The following GATB variants were observed in gnomAD, a reference collection of about 807,000 sequenced individuals.
The protein encoded by GATB is glutamyl-tRNA(Gln) amidotransferase subunit B, mitochondrial.
In GATB, 39 loss-of-function variants were observed where a neutral mutation model predicts 62.3. The ratio of observed to expected loss-of-function variants is 0.63; its 90% CI spans 0.48 to 0.82. The LOEUF is 0.82. GATB is among the 40% of genes least tolerant of loss of function. GATB has a pLI of 0.00. For missense variants in GATB, 670 were observed against 684.0 expected (o/e 0.98, Z 0.23); for synonymous variants, 276 against 258.9 (o/e 1.07, Z -0.63).
chr4:151,705,407 C>T (rs913563525), intron 6 of GATB, 138 bp from the exon 7 acceptor site: 2 of 622,928 alleles, frequency 3.2e-6, no homozygotes, highest in Non-Finnish European at 2.8e-6. Context: ...TAATCCTTCC[C>T]TTACACACTA....
chr4:151,747,095 T>C (rs370624899), intron 2 of GATB, among the ~76,000 whole-genome samples: 1 of 152,148 alleles, frequency 6.6e-6, no homozygotes, highest in Non-Finnish European at 1.5e-5. Context: ...TGAATACATA[T>C]AAAGCACCTA....
chr4:151,703,626 GA>G lies in GATB; in HGVS notation c.1007+224del, dbSNP rs1486123578. The G allele has an allele frequency of 6.8e-5, 39 of 569,892 alleles. No individual in the cohort carries two copies. In the African/African-American group the frequency reaches 7.0e-4, roughly 10 times the overall value. The allele number at this position is 569,892 out of a possible 1,614,324, so 35.3% of individuals were successfully genotyped here. On this transcript the variant is annotated intron_variant, in intron 8 of 12. Coordinates refer to ENST00000263985, the MANE Select transcript of GATB (RefSeq NM_004564.3). ...GGATGAACAAGTTCTTCCAAAAGCTGAATCAGTCAAACAAGGCACCAGATCT... is the reference window on the plus strand; with the variant it reads ...GGATGAACAAGTTCTTCCAAAAGCTGATCAGTCAAACAAGGCACCAGATCT...
intron 2 of GATB, among the ~76,000 whole-genome samples, chr4:151,753,356 G>A (rs879335505): frequency 5.3e-5 from 8 of 152,092 alleles, no homozygotes; most frequent in African/African-American, 1.4e-4. Context: ...CATCCTGAGC[G>A]TTTTTAAGGT....
At chr4:151,748,716 T>C (rs1014316001) in intron 2 of GATB, among the ~76,000 whole-genome samples, 6 of 151,948 alleles carry the variant, frequency 3.9e-5, no homozygotes, top group Non-Finnish European at 8.8e-5. Flanking sequence ...ACCATCGGAG[T>C]GAACAGGCAA....
chr4:151,684,547 C>T (rs1738205976), intron 10 of GATB, among the ~76,000 whole-genome samples: 1 of 152,242 alleles, frequency 6.6e-6, no homozygotes, highest in Non-Finnish European at 1.5e-5. Flanking sequence ...AGTTTTGCAG[C>T]TACTGCCCTT....
At chr4:151,740,310 C>T (rs184876319) in intron 2 of GATB, among the ~76,000 whole-genome samples, 42 of 152,314 alleles carry the variant, frequency 2.8e-4, no homozygotes, top group Admixed American at 1.2e-3. Flanking sequence ...GCATGAACAT[C>T]GTAAGAGTGT....
At chr4:151,697,873 C>A (rs1738502798) in intron 9 of GATB, among the ~76,000 whole-genome samples, 1 of 146,542 alleles carries the variant, frequency 6.8e-6, no homozygotes, top group South Asian at 2.1e-4. Context: ...GCACTCCAGC[C>A]TAGGCCACAA....
intron 2 of GATB, among the ~76,000 whole-genome samples, chr4:151,741,103 A>T (rs1258232661): frequency 1.3e-5 from 2 of 152,124 alleles, no homozygotes; most frequent in Non-Finnish European, 2.9e-5. Flanking sequence ...GAGACCTCGG[A>T]TGGTACCAAG....
chr4:151,711,767 G>C (rs746946434), intron 5 of GATB, among the ~76,000 whole-genome samples: 3 of 152,194 alleles, frequency 2.0e-5, no homozygotes, highest in Non-Finnish European at 2.9e-5. Flanking sequence ...GTGGGACCTA[G>C]AGTTGGGTCT....
chr4:151,698,173 T>C (rs1404103550), intron 9 of GATB, among the ~76,000 whole-genome samples: 2 of 151,856 alleles, frequency 1.3e-5, no homozygotes, highest in East Asian at 3.9e-4. Context: ...TCTTCCTGTG[T>C]GCTGTGATAA....
chr4:151,742,036 C>A (rs1739498406), intron 2 of GATB, among the ~76,000 whole-genome samples: 1 of 151,516 alleles, frequency 6.6e-6, no homozygotes, highest in Admixed American at 6.6e-5. Context: ...CTAGTGTGAA[C>A]TGCAATACAT....
intron 2 of GATB, chr4:151,724,071 T>G (rs1451300323): frequency 6.6e-6 from 1 of 152,212 alleles, no homozygotes; most frequent in Admixed American, 6.5e-5. Context: ...ACTCAGAGTT[T>G]GCATGAGACC....
Position 151,730,676 on chromosome 4 carries a change from G to C in GATB, c.328-11138C>G, listed in dbSNP as rs1177082449. ...GGCTAGACCCAGAAGACAGACAACA[G>C]TCACTACAGTTCAGCTCAAAGGAAG... On this transcript the variant is annotated intron_variant, in intron 2 of 12. Transcript: ENST00000263985. This position sits in a 1 kb window ranked among gnomAD's most constrained non-coding sequence, Gnocchi z 4.1. Among the ~76,000 whole-genome samples, 1 of 152,196 alleles carries C rather than the reference G, an allele frequency of 6.6e-6. No homozygotes were observed. The highest frequency in any genetic ancestry group is 6.5e-5 in the Admixed American group (1 of 15,286).
intron 5 of GATB, among the ~76,000 whole-genome samples, chr4:151,709,855 G>A (rs1199616908): frequency 1.3e-5 from 2 of 152,100 alleles, no homozygotes; most frequent in African/African-American, 2.4e-5. Flanking sequence ...GGGCTCCTCT[G>A]CTTGGTGCTC....
chr4:151,727,814 G>A (rs984782750), intron 2 of GATB, among the ~76,000 whole-genome samples: 2 of 152,144 alleles, frequency 1.3e-5, no homozygotes, highest in Admixed American at 6.5e-5. Flanking sequence ...CAGACACTTA[G>A]TAATATTAGT....
chr4:151,702,720 T>G (rs908325116), intron 8 of GATB, among the ~76,000 whole-genome samples: 1 of 152,214 alleles, frequency 6.6e-6, no homozygotes. Flanking sequence ...CATGTAATCT[T>G]ATGAAACAAG....
intron 10 of GATB, among the ~76,000 whole-genome samples, chr4:151,684,128 T>C (rs28634312): frequency 0.035 from 5,340 of 152,288 alleles, 308 homozygotes; most frequent in African/African-American, 0.12. Flanking sequence ...GTGGGACACA[T>C]CTTCCTCTCA....
chr4:151,703,887 A>G lies in GATB; in HGVS notation c.971T>C (p.Met324Thr), dbSNP rs2126970115. The G allele has an allele frequency of 6.2e-7, 1 of 1,606,556 alleles. No individual in the cohort carries two copies. The highest frequency in any genetic ancestry group is 8.5e-7 in the Non-Finnish European group (1 of 1,173,234). The change falls in exon 8 of 13, where the codon ATG becomes ACG. Residue 324 changes from methionine (M) to threonine (T), a missense_variant. By Grantham distance (81) the Met-to-Thr change is moderately conservative. Transcript: ENST00000263985. The stretch of plus-strand genomic sequence containing the variant: ...TTTTCCTTCTTTGTCTCTCATTGAC[A>G]TGGTGCACCTGCAATAGTTAAATAA... ...RSFHHKLGCT[M>T]SMRDKEGKQD...
chr4:151,673,251 A>AGG (rs1553965492), intron 11 of GATB: 1 of 110,256 alleles, frequency 9.1e-6, no homozygotes, highest in African/African-American at 5.7e-5. Context: ...CTGACTCCAC[A>AGG]TGGCGGGGGG....
Sources: gnomAD v4.1 joint callset for allele counts (sites outside exome capture counted in the v4.1 genomes callset) on GRCh38, gnomAD v4.1.1 for gene constraint, Gnocchi (gnomAD v3.1) non-coding constraint, MANE v1.5 for transcripts, NCBI Gene and HGNC (gene_info 2026-07-23, HGNC 2026-07-21) for gene names.